GPM6A: variants seen among roughly 807,000 people sequenced by gnomAD.
GPM6A encodes neuronal membrane glycoprotein M6-a.
GPM6A carries 7 observed loss-of-function variants against 32.1 expected under a neutral mutation model. The observed-to-expected ratio is 0.22, with a 90% CI of 0.12 to 0.41. The LOEUF (loss-of-function observed/expected upper bound fraction) is 0.41, where lower values mean the gene tolerates loss of function less well. Ranked by LOEUF, GPM6A falls within the 10% of genes least tolerant of loss-of-function variation. The pLI, the probability that GPM6A is intolerant of heterozygous loss-of-function variation, is 1.00. For missense variants in GPM6A, 235 were observed against 347.2 expected, an observed-to-expected ratio of 0.68 and a Z score of 2.57; for synonymous variants, 130 against 123.4, an observed-to-expected ratio of 1.05 and a Z score of -0.35.
intron 1 of GPM6A, among the ~76,000 whole-genome samples, chr4:175,910,442 G>A (rs1001547741): frequency 3.9e-5 from 6 of 152,042 alleles, no homozygotes; most frequent in Non-Finnish European, 7.4e-5. Context: ...CTTCTTAGTC[G>A]GGTACATAAT....
At chr4:175,959,492 G>C (rs1740098216) in intron 1 of GPM6A, among the ~76,000 whole-genome samples, 1 of 151,920 alleles carries the variant, frequency 6.6e-6, no homozygotes, top group Admixed American at 6.6e-5. Flanking sequence ...AATTACAGAG[G>C]CTTACTTAAA....
At chr4:175,705,520 C>T (rs1336970181) in intron 1 of GPM6A, among the ~76,000 whole-genome samples, 2 of 152,212 alleles carry the variant, frequency 1.3e-5, no homozygotes, top group Admixed American at 6.5e-5. Flanking sequence ...TCAGAACTCC[C>T]ATCTGGGGAA....
At chr4:175,670,088 G>A (rs1249675380) in intron 3 of GPM6A, among the ~76,000 whole-genome samples, 1 of 152,006 alleles carries the variant, frequency 6.6e-6, no homozygotes, top group Admixed American at 6.6e-5. Flanking sequence ...CTGTTGTTTA[G>A]GCCATCCACT....
intron 4 of GPM6A, chr4:175,641,525 AG>A (rs1346192756): frequency 1.3e-5 from 2 of 152,250 alleles, no homozygotes; most frequent in Non-Finnish European, 2.9e-5. Context: ...AGAGAGCAAA[AG>A]TAACCAAGTT....
intron 1 of GPM6A, among the ~76,000 whole-genome samples, chr4:175,782,641 A>G (rs1560930409): frequency 6.6e-6 from 1 of 152,172 alleles, no homozygotes; most frequent in Non-Finnish European, 1.5e-5. Flanking sequence ...TAACTAGTAG[A>G]AACACAAGTC....
At chr4:175,682,855 T>C (rs1743763975) in intron 2 of GPM6A, among the ~76,000 whole-genome samples, 1 of 152,178 alleles carries the variant, frequency 6.6e-6, no homozygotes, top group African/African-American at 2.4e-5. Context: ...GGAGGAAGTC[T>C]GCTGCAAGAG....
At chr4:175,990,876 A>G (rs1741116800) in intron 1 of GPM6A, among the ~76,000 whole-genome samples, 1 of 152,024 alleles carries the variant, frequency 6.6e-6, no homozygotes, top group African/African-American at 2.4e-5. Context: ...AAATGAATGA[A>G]ATTATTTAAT....
At chr4:175,834,645 A>T (rs1041865343) in intron 1 of GPM6A, among the ~76,000 whole-genome samples, 8 of 149,864 alleles carry the variant, frequency 5.3e-5, no homozygotes, top group East Asian at 1.9e-4. Context: ...CCAAGAATTT[A>T]AAAAAAAAAC....
chr4:175,978,616 A>G (rs1171755453), intron 1 of GPM6A, among the ~76,000 whole-genome samples: 1 of 152,214 alleles, frequency 6.6e-6, no homozygotes, highest in East Asian at 1.9e-4. Context: ...CAATGAGTCA[A>G]TGCTGAAAAA....
chr4:175,995,454 G>T (rs188010530), intron 1 of GPM6A, among the ~76,000 whole-genome samples: 8 of 151,196 alleles, frequency 5.3e-5, no homozygotes, highest in African/African-American at 1.9e-4. Context: ...GGGTACGCCT[G>T]TATATTAGCG....
chr4:175,711,465 CAT>C lies in GPM6A; in HGVS notation c.38-9700_38-9699del, dbSNP rs1256004797. On this transcript the variant is annotated intron_variant, in intron 1 of 6. Transcript: ENST00000393658. The stretch of plus-strand genomic sequence containing the variant: ...ATATATATATATATATATACACACA[CAT>C]ACATACATGTATATATAAATATAAT... 1.8e-3 allele frequency among the ~76,000 whole-genome samples: 199 copies of C among 111,342 alleles called. 4 individuals carry two copies. The highest frequency in any genetic ancestry group is 3.6e-3 in the African/African-American group (101 of 28,378). 73.0% of individuals were successfully genotyped at this position (111,342 alleles called of 152,430 possible).
chr4:175,640,935 CTTATG>C (rs1168915564), intron 4 of GPM6A, 106 bp from the exon 5 acceptor site: 2 of 687,998 alleles, frequency 2.9e-6, no homozygotes, highest in Non-Finnish European at 5.2e-6. Flanking sequence ...TCCATTTTAT[CTTATG>C]TTATGTTACA....
intron 1 of GPM6A, among the ~76,000 whole-genome samples, chr4:175,863,578 A>G (rs2111424786): frequency 6.6e-6 from 1 of 152,190 alleles, no homozygotes; most frequent in East Asian, 1.9e-4. Flanking sequence ...ATGCCTTCAC[A>G]TTTTTCTTGA....
chr4:175,865,113 A>AT (rs151253166), intron 1 of GPM6A, among the ~76,000 whole-genome samples: 17 of 151,842 alleles, frequency 1.1e-4, no homozygotes, highest in African/African-American at 1.2e-4. Context: ...GCCTGGTCTC[A>AT]TTTTTTTTAT....
At chr4:175,972,292 C>T (rs1413102543) in intron 1 of GPM6A, among the ~76,000 whole-genome samples, 1 of 151,924 alleles carries the variant, frequency 6.6e-6, no homozygotes, top group Non-Finnish European at 1.5e-5. Context: ...TATAAAAATC[C>T]AAATTATTTA....
chr4:175,936,293 G>A (rs1185420081), intron 1 of GPM6A, among the ~76,000 whole-genome samples: 8 of 89,968 alleles, frequency 8.9e-5, no homozygotes, highest in Admixed American at 5.3e-4. Context: ...GCGACACAGC[G>A]AGACTCTGTC....
At chr4:175,903,688 C>T (rs1738037649) in intron 1 of GPM6A, among the ~76,000 whole-genome samples, 1 of 152,020 alleles carries the variant, frequency 6.6e-6, no homozygotes, top group East Asian at 1.9e-4. Context: ...GCAAACAAAC[C>T]CACACTGAGG....
chr4:175,708,015 T>C (rs1044230645), intron 1 of GPM6A, among the ~76,000 whole-genome samples: 17 of 152,220 alleles, frequency 1.1e-4, no homozygotes, highest in Admixed American at 4.6e-4. Context: ...GCTAACTTTG[T>C]TCAATACTTT....
At chr4:175,637,900 T>C (rs568831257) in intron 6 of GPM6A, among the ~76,000 whole-genome samples, 177 of 129,988 alleles carry the variant, frequency 1.4e-3, no homozygotes, top group African/African-American at 4.0e-3. Flanking sequence ...TATATATATA[T>C]ACATATATGC....
Sources: allele counts gnomAD v4.1 joint callset (sites outside exome capture counted in the v4.1 genomes callset), GRCh38; gene constraint gnomAD v4.1.1; transcripts MANE v1.5; gene names NCBI Gene and HGNC (gene_info 2026-07-23, HGNC 2026-07-21).